The following ESPN variants were observed in gnomAD, a reference collection of about 807,000 sequenced individuals.
ESPN encodes the protein autosomal recessive deafness type 36 protein.
A neutral mutation model predicts 77.7 loss-of-function variants in ESPN; 68 were observed. The ratio of observed to expected loss-of-function variants is 0.87; its 90% confidence interval spans 0.72 to 1.07. The LOEUF (loss-of-function observed/expected upper bound fraction) is 1.07, where lower values mean the gene tolerates loss of function less well. ESPN is among the 50% of genes least tolerant of loss of function. The probability of loss-of-function intolerance (pLI) is 0.00; values close to 1 mark genes in which losing one functional copy is unlikely to be tolerated. For missense variants in ESPN, 1,060 were observed against 1,239.0 expected, an observed-to-expected ratio of 0.86 and a Z score of 2.17; for synonymous variants, 449 against 567.1, an observed-to-expected ratio of 0.79 and a Z score of 2.96.
chr1:6,453,075 G>A (rs1314638696), intron 10 of ESPN, among the ~76,000 whole-genome samples: 1 of 152,102 alleles, frequency 6.6e-6, no homozygotes, highest in Non-Finnish European at 1.5e-5. Context: ...TGTATTCTTA[G>A]TAGAGATGGG....
chr1:6,456,606 G>C (rs1644062188), intron 10 of ESPN: 1 of 183,330 alleles, frequency 5.5e-6, no homozygotes, highest in African/African-American at 2.4e-5. Flanking sequence ...TGTTCTGTGT[G>C]AAGTGTGCCG....
In ESPN at chr1:6,431,437, C is replaced by T. The variant is rs963645894; in HGVS notation, c.488+3018C>T. Among the ~76,000 whole-genome samples, 39 of 151,892 alleles carry T rather than the reference C, an allele frequency of 2.6e-4. 1 individual carries two copies. Among genetic ancestry groups the T allele is most frequent in the East Asian group, 1.9e-4 (1 of 5,174 alleles). On this transcript the variant is annotated intron_variant, in intron 2 of 12. Coordinates refer to ENST00000645284, the MANE Select transcript of ESPN (RefSeq NM_031475.3). ...CAGCCTGACCAACATGGTGAAACCC[C>T]GTCTCTACCAAAAATACAAAAATTA...
Position 6,428,415 on chromosome 1 carries a change from C to T in ESPN, c.484C>T (p.Pro162Ser). 1 of 1,609,860 alleles carries T rather than the reference C, an allele frequency of 6.2e-7. No homozygotes were observed. The highest frequency in any genetic ancestry group is 1.3e-5 in the African/African-American group (1 of 74,988). Reference protein sequence around the residue: ...PSLRLLVEHYPEGVNAQTKNG... With the variant: ...PSLRLLVEHYSEGVNAQTKNG... ...CCTGAGGCTTCTCGTCGAGCACTAC[C>T]CTGAGTAAGATCACCCCTCTTAAGG... The change falls in exon 2 of 13, where the codon CCT becomes TCT. Residue 162 changes from proline (P) to serine (S), a missense_variant. This residue lies in a region of ESPN where 556 missense variants were observed against 633.6 expected (regional missense o/e 0.88). Coordinates refer to ENST00000645284, the MANE Select transcript of ESPN (RefSeq NM_031475.3). This position sits in a 1 kb window ranked among gnomAD's most constrained non-coding sequence, Gnocchi z 5.4.
In ESPN at chr1:6,427,906, A is replaced by G. The variant is rs1334678800; in HGVS notation, c.295-320A>G. Among the ~76,000 whole-genome samples, 1 of 152,178 alleles carries G rather than the reference A, an allele frequency of 6.6e-6. No homozygotes were observed. The highest frequency in any genetic ancestry group is 1.5e-5 in the Non-Finnish European group (1 of 68,022). The stretch of plus-strand genomic sequence containing the variant: ...GGGCTGTGGCCCTGGGCCTGGTGCC[A>G]GTCTCCTGCCGTGACAACCAGGTGC... On this transcript the variant is annotated intron_variant, in intron 1 of 12. Transcript: ENST00000645284. The surrounding 1 kb of genome is among the most constrained non-coding windows in gnomAD (Gnocchi z 4.6).
Position 6,428,437 on chromosome 1 carries a change from A to T in ESPN, c.488+18A>T. The T allele has an allele frequency of 6.3e-7, 1 of 1,592,770 alleles. No homozygotes were observed. Among genetic ancestry groups the T allele is most frequent in the Non-Finnish European group, 8.6e-7 (1 of 1,165,152 alleles). ...TACCCTGAGTAAGATCACCCCTCTTAAGGGGTCCTCTGGGTGGGCTGGGCC... is the reference window on the plus strand; with the variant it reads ...TACCCTGAGTAAGATCACCCCTCTTTAGGGGTCCTCTGGGTGGGCTGGGCC... On this transcript the variant is annotated intron_variant, in intron 2 of 12. Transcript: ENST00000645284. This position sits in a 1 kb window ranked among gnomAD's most constrained non-coding sequence, Gnocchi z 5.4.
intron 12 of ESPN, among the ~76,000 whole-genome samples, chr1:6,458,932 C>CAA (rs543092506): frequency 1.8e-5 from 2 of 113,874 alleles, no homozygotes; most frequent in Non-Finnish European, 3.8e-5. Context: ...GACTCCATTT[C>CAA]AAAAAAAAAA....
intron 6 of ESPN, 110 bp downstream of exon 6, chr1:6,444,792 C>G (rs1406998509): frequency 2.1e-5 from 27 of 1,259,680 alleles, no homozygotes; most frequent in Non-Finnish European, 2.9e-5. Context: ...CGGACACTAC[C>G]CTCATCACTT....
At position 6,451,520 on chromosome 1, in the gene ESPN, A is replaced by C. The variant is rs1367994114; in HGVS notation, c.1916-83A>C. 6.4e-7 allele frequency: 1 copy of C among 1,554,800 alleles called. No homozygotes were observed. The highest frequency in any genetic ancestry group is 1.4e-5 in the African/African-American group (1 of 73,364). ...GGCACCCATCCAATCTTGGCTTAGG[A>C]AAGGGGCTGCAGAGGGGCGGGTGAG... On this transcript the variant is annotated intron_variant, in intron 8 of 12. Coordinates refer to ENST00000645284, the MANE Select transcript of ESPN (RefSeq NM_031475.3). This position sits in a 1 kb window ranked among gnomAD's most constrained non-coding sequence, Gnocchi z 4.3.
chr1:6,457,491 C>A (rs1385370298), intron 12 of ESPN, 119 bp downstream of exon 12: 21 of 1,192,512 alleles, frequency 1.8e-5, no homozygotes, highest in Admixed American at 7.4e-5. Context: ...TGTAGCACAG[C>A]CTCCTTCCTC....
chr1:6,433,539 A>G (rs1015399387), intron 2 of ESPN, among the ~76,000 whole-genome samples: 6 of 150,950 alleles, frequency 4.0e-5, no homozygotes, highest in African/African-American at 1.5e-4. Flanking sequence ...CGCAGGAGGC[A>G]GCGGTTGCAG....
chr1:6,434,990 G>C (rs188627007), intron 2 of ESPN, among the ~76,000 whole-genome samples: 16 of 152,268 alleles, frequency 1.1e-4, no homozygotes, highest in Non-Finnish European at 1.9e-4. Context: ...TAGGGGCCAG[G>C]AGGAAGACCT....
chr1:6,444,796 A>C, intron 6 of ESPN, 114 bp downstream of exon 6: 54 of 1,229,734 alleles, frequency 4.4e-5, no homozygotes, highest in East Asian at 1.2e-4. Context: ...CACTACCCTC[A>C]TCACTTGCTC....
rs1643925482 is a variant in ESPN at position 6,450,495 on chromosome 1, T to C, written c.1916-1108T>C. On this transcript the variant is annotated intron_variant, in intron 8 of 12. Coordinates refer to ENST00000645284, the MANE Select transcript of ESPN (RefSeq NM_031475.3). The surrounding 1 kb of genome is among the most constrained non-coding windows in gnomAD (Gnocchi z 4.3). ...AGTGAGTAGCTGCGTGCGCGGCTCC[T>C]GGCTGAGGCTGAGGCGCGGGGTGGG... 2 of 967,834 alleles carry C rather than the reference T, an allele frequency of 2.1e-6. No homozygotes were observed. The highest frequency in any genetic ancestry group is 1.8e-5 in the African/African-American group (1 of 56,786). The allele number at this position is 967,834 out of a possible 1,614,324, so 60.0% of individuals were successfully genotyped here. A position where few individuals can be genotyped will look rare whatever the true frequency, so the allele number is the denominator to read the frequency against.
Position 6,460,325 on chromosome 1 carries a change from C to T in ESPN, c.*179C>T. On this transcript the variant is annotated 3_prime_UTR_variant, in exon 13 of 13. Coordinates refer to ENST00000645284, the MANE Select transcript of ESPN (RefSeq NM_031475.3). ...CCCAGCCCTTGGCAACACTGGAGTGCACACGCCGCCACGGTTGCCCAGAAA... is the reference window on the plus strand; with the variant it reads ...CCCAGCCCTTGGCAACACTGGAGTGTACACGCCGCCACGGTTGCCCAGAAA... 1.4e-6 allele frequency: 1 copy of T among 726,354 alleles called. No homozygotes were observed. Among genetic ancestry groups the T allele is most frequent in the Non-Finnish European group, 2.2e-6 (1 of 449,768 alleles). 45.0% of individuals were successfully genotyped at this position (726,354 alleles called of 1,614,324 possible).
At chr1:6,445,973 G>A in intron 7 of ESPN, 38 bp downstream of exon 7, 2 of 1,608,838 alleles carry the variant, frequency 1.2e-6, no homozygotes. Flanking sequence ...TCCCAGCAGG[G>A]GGACTGGGCT....
At chr1:6,455,544 G>A in intron 10 of ESPN, 1 of 398,552 alleles carries the variant, frequency 2.5e-6, no homozygotes, top group Non-Finnish European at 4.4e-6. Flanking sequence ...TCGCGTGCCG[G>A]CAAGCCCGGG....
chr1:6,428,158 G>T lies in ESPN; in HGVS notation c.295-68G>T. The stretch of plus-strand genomic sequence containing the variant: ...CTACCTTCCAGGCCTGTGGGAGTCT[G>T]GGAGTGGCCCAAGCCAGGGGCGGGG... On this transcript the variant is annotated intron_variant, in intron 1 of 12. Coordinates refer to ENST00000645284, the MANE Select transcript of ESPN (RefSeq NM_031475.3). The surrounding 1 kb of genome is among the most constrained non-coding windows in gnomAD (Gnocchi z 5.4). The T allele has an allele frequency of 6.5e-7, 1 of 1,543,094 alleles. No homozygotes were observed. Among genetic ancestry groups the T allele is most frequent in the South Asian group, 1.1e-5 (1 of 89,272 alleles).
intron 8 of ESPN, among the ~76,000 whole-genome samples, chr1:6,449,881 T>C (rs1029519501): frequency 5.3e-5 from 8 of 151,972 alleles, no homozygotes; most frequent in South Asian, 2.1e-4. Context: ...GGCTGGGGTG[T>C]CTTCCTCACC....
At chr1:6,444,792 C>A in intron 6 of ESPN, 110 bp downstream of exon 6, 1 of 1,259,794 alleles carries the variant, frequency 7.9e-7, no homozygotes, top group Non-Finnish European at 1.1e-6. Flanking sequence ...CGGACACTAC[C>A]CTCATCACTT....
Sources: gnomAD v4.1 joint callset for allele counts (sites outside exome capture counted in the v4.1 genomes callset) on GRCh38, gnomAD v4.1.1 for gene constraint, gnomAD v4.1.1 regional missense constraint, Gnocchi (gnomAD v3.1) non-coding constraint, MANE v1.5 for transcripts, NCBI Gene and HGNC (gene_info 2026-07-23, HGNC 2026-07-21) for gene names.